The following GSE1 variants were observed in gnomAD, a reference collection of about 807,000 sequenced individuals.
The protein encoded by GSE1 is genetic suppressor element 1.
In GSE1, 32 loss-of-function variants were observed where a neutral mutation model predicts 112.6. The ratio of observed to expected loss-of-function variants is 0.28; its 90% confidence interval spans 0.21 to 0.38. The LOEUF is 0.38. Ranked by LOEUF, GSE1 falls within the 10% of genes least tolerant of loss-of-function variation. GSE1 has a pLI of 1.00. For missense variants in GSE1, 2,348 were observed against 1,699.2 expected, an observed-to-expected ratio of 1.38 and a Z score of -6.71; for synonymous variants, 1,115 against 735.6, an observed-to-expected ratio of 1.52 and a Z score of -8.35.
upstream of GSE1, among the ~76,000 whole-genome samples, chr16:85,608,153 A>C (rs1339318329): frequency 6.6e-6 from 1 of 152,170 alleles, no homozygotes; most frequent in Non-Finnish European, 1.5e-5. Context: ...TTTCTGGGCC[A>C]GTGATAGCAG....
intron 2 of GSE1, among the ~76,000 whole-genome samples, chr16:85,497,134 G>C (rs1047030803): frequency 6.6e-6 from 1 of 152,094 alleles, no homozygotes; most frequent in East Asian, 1.9e-4. Flanking sequence ...CCTGACCTCA[G>C]GTGATCCACC....
At chr16:85,465,268 C>G (rs2050091884) in intron 2 of GSE1, among the ~76,000 whole-genome samples, 2 of 152,234 alleles carry the variant, frequency 1.3e-5, no homozygotes, top group Admixed American at 1.3e-4. Context: ...AGCTCTCCTG[C>G]CAACCGAATC....
At chr16:85,174,168 C>T (rs907583264) in intron 1 of GSE1, among the ~76,000 whole-genome samples, 1 of 152,136 alleles carries the variant, frequency 6.6e-6, no homozygotes, top group African/African-American at 2.4e-5. Flanking sequence ...TGTTCAGCCT[C>T]CGTGGGCGGG....
upstream of GSE1, chr16:85,613,082 A>C: frequency 6.1e-5 from 37 of 605,010 alleles, no homozygotes; most frequent in Middle Eastern, 1.0e-3. Context: ...GGGCGGGTGG[A>C]TCCGGGCGCC....
intron 2 of GSE1, among the ~76,000 whole-genome samples, chr16:85,398,005 C>A (rs1311862931): frequency 6.6e-6 from 1 of 152,106 alleles, no homozygotes; most frequent in African/African-American, 2.4e-5. Flanking sequence ...GTGGGGGCTG[C>A]AGACCTTGGT....
At chr16:85,318,882 G>T (rs1013116027) in intron 1 of GSE1, among the ~76,000 whole-genome samples, 8 of 152,240 alleles carry the variant, frequency 5.3e-5, no homozygotes, top group African/African-American at 1.7e-4. Flanking sequence ...ACCTGTGAGG[G>T]TGAGATGTTG....
intron 2 of GSE1, among the ~76,000 whole-genome samples, chr16:85,646,672 C>T (rs974909841): frequency 2.0e-5 from 3 of 152,160 alleles, no homozygotes; most frequent in African/African-American, 4.8e-5. Flanking sequence ...AGTCCACAAC[C>T]GTGTGAGCGG....
Position 85,657,547 on chromosome 16 carries a change from A to T in GSE1, c.1583A>T (p.Asp528Val). The change falls in exon 8 of 16, where the codon GAT (aspartate) becomes GTT (valine). Residue 528 changes from aspartate to valine, a missense_variant. Coordinates refer to ENST00000253458, the MANE Select transcript of GSE1 (RefSeq NM_014615.5). Reference protein sequence around the residue: ...FRQQVLEQHLDMGRPPVPAEA... With the variant: ...FRQQVLEQHLVMGRPPVPAEA... ...CAGCAGGTGCTGGAGCAGCACCTGG[A>T]TATGGGCCGGCCCCCGGTGCCGGCG... is the stretch of plus-strand genomic sequence containing the variant. 1 of 1,593,584 alleles carries T rather than the reference A, an allele frequency of 6.3e-7. No individual in the cohort carries two copies. The highest frequency in any genetic ancestry group is 8.6e-7 in the Non-Finnish European group (1 of 1,169,268).
intron 1 of GSE1, among the ~76,000 whole-genome samples, chr16:85,347,364 C>A (rs1019681936): frequency 6.6e-6 from 1 of 152,164 alleles, no homozygotes; most frequent in Non-Finnish European, 1.5e-5. Flanking sequence ...TGGCCTCTCA[C>A]CCTGGCCCGG....
At chr16:85,634,273 G>A in intron 2 of GSE1, 141 bp downstream of exon 2, 1 of 613,098 alleles carries the variant, frequency 1.6e-6, no homozygotes, top group South Asian at 2.4e-5. Context: ...GGCAGTGCTG[G>A]CTGAGCTACA....
intron 2 of GSE1, among the ~76,000 whole-genome samples, chr16:85,429,074 C>T (rs1029267978): frequency 2.6e-5 from 4 of 152,240 alleles, no homozygotes; most frequent in Admixed American, 1.3e-4. Context: ...GAAGCCTCCG[C>T]ACGCTGCATC....
chr16:85,396,117 T>A (rs923754492), intron 2 of GSE1, among the ~76,000 whole-genome samples: 2 of 152,218 alleles, frequency 1.3e-5, no homozygotes. Flanking sequence ...TCTGTCCACT[T>A]CATTTGGAAA....
In GSE1 at chr16:85,412,752, G is replaced by A. The variant is rs112510886; in HGVS notation, c.2464+55109G>A. On this transcript the variant is annotated intron_variant, in intron 2 of 2. Coordinates refer to the GSE1 transcript ENST00000637419. ...GGCCCCCCGGATAATCCTCACCGTT[G>A]CACTCAGGGTCCCTCTGATAATCCT... 1.1e-3 allele frequency among the ~76,000 whole-genome samples: 149 copies of A among 139,782 alleles called. 15 individuals are homozygous for A. The highest frequency in any genetic ancestry group is 4.2e-3 in the African/African-American group (132 of 31,078). The allele number at this position is 139,782 out of a possible 152,430, so 91.7% of individuals were successfully genotyped here. A position where few individuals can be genotyped will look rare whatever the true frequency, so the allele number is the denominator to read the frequency against.
In GSE1 at chr16:85,648,595, C is replaced by T; in HGVS notation, c.270C>T (p.Ala90=). 1 of 1,605,310 alleles carries T rather than the reference C, an allele frequency of 6.2e-7. No individual in the cohort carries two copies. The highest frequency in any genetic ancestry group is 1.1e-5 in the South Asian group (1 of 90,268). The part of the protein sequence containing the change: ...SSESSPVSSP[A]TNHSSPASTP... ...AGTCGTCCCCCGTGTCCTCTCCGGC[C>T]ACCAACCACAGCTCCCCCGCCAGCA... Residue 90 remains alanine, a synonymous_variant, in exon 3 of 16, where the codon GCC becomes GCT. Coordinates refer to ENST00000253458, the MANE Select transcript of GSE1 (RefSeq NM_014615.5).
intron 2 of GSE1, among the ~76,000 whole-genome samples, chr16:85,647,736 G>A (rs773899148): frequency 3.6e-4 from 55 of 152,310 alleles, no homozygotes; most frequent in Middle Eastern, 3.4e-3. Flanking sequence ...ACAGGCGCGC[G>A]CCATCACGCC....
At chr16:85,171,826 C>T (rs1201867980) in intron 1 of GSE1, 1 of 980,078 alleles carries the variant, frequency 1.0e-6, no homozygotes, top group African/African-American at 1.7e-5. Flanking sequence ...CAGTTTTCAT[C>T]TCATCTTAGA....
intron 2 of GSE1, among the ~76,000 whole-genome samples, chr16:85,360,563 C>T (rs943087592): frequency 1.3e-5 from 2 of 152,154 alleles, no homozygotes; most frequent in Admixed American, 6.5e-5. Context: ...CACCTGCCAC[C>T]TCTCATCCGG....
intron 2 of GSE1, among the ~76,000 whole-genome samples, chr16:85,418,165 T>C (rs557298181): frequency 6.6e-6 from 1 of 152,364 alleles, no homozygotes; most frequent in East Asian, 1.9e-4. Context: ...AATGCCGCCA[T>C]TGGCCCAAGG....
At chr16:85,322,537 C>T (rs930723005) in intron 1 of GSE1, among the ~76,000 whole-genome samples, 2 of 151,900 alleles carry the variant, frequency 1.3e-5, no homozygotes, top group African/African-American at 4.8e-5. Context: ...GGTTCAGGAC[C>T]TCTCTGCCGT....
Sources: gnomAD v4.1 joint callset for allele counts (sites outside exome capture counted in the v4.1 genomes callset) on GRCh38, gnomAD v4.1.1 for gene constraint, MANE v1.5 for transcripts, NCBI Gene and HGNC (gene_info 2026-07-23, HGNC 2026-07-21) for gene names.